The following B4GALNT3 variants were observed in gnomAD, a reference collection of about 807,000 sequenced individuals.
The protein encoded by B4GALNT3 is beta-1,4-N-acetyl-galactosaminyltransferase 3, also known as beta-1,4-N-acetylgalactosaminyltransferase 3.
B4GALNT3 carries 86 observed loss-of-function variants against 120.2 expected under a neutral mutation model. That is an observed-to-expected ratio of 0.72 (90% CI 0.60 to 0.86). The LOEUF is 0.86. B4GALNT3 is among the 40% of genes least tolerant of loss of function. B4GALNT3 has a pLI of 0.00. For missense variants in B4GALNT3, 1,167 were observed against 1,298.9 expected (o/e 0.90, Z 1.56); for synonymous variants, 518 against 510.4 (o/e 1.01, Z -0.20).
At chr12:483,408 C>T (rs1167748187) in intron 1 of B4GALNT3, among the ~76,000 whole-genome samples, 2 of 152,040 alleles carry the variant, frequency 1.3e-5, no homozygotes, top group African/African-American at 4.8e-5. Flanking sequence ...TAGTAACAGC[C>T]CAGCTTGGCT....
chr12:478,509 A>G (rs1477050642), intron 1 of B4GALNT3, among the ~76,000 whole-genome samples: 1 of 152,252 alleles, frequency 6.6e-6, no homozygotes, highest in Non-Finnish European at 1.5e-5. Flanking sequence ...TGAGAAAAAG[A>G]AATGGGCAAA....
At chr12:523,258 G>C (rs772387576) in intron 1 of B4GALNT3, among the ~76,000 whole-genome samples, 27 of 152,148 alleles carry the variant, frequency 1.8e-4, no homozygotes, top group Non-Finnish European at 3.8e-4. Flanking sequence ...AAATATGCCA[G>C]GCCTCTCACT....
rs140500353 is a variant in B4GALNT3, at chr12:470,388, C to T, written c.169+9843C>T. ...CCTGCCTGCCAAGCCCAGGTTCAAA[C>T]GAATGTGTGCAGTGTGTGCTCACGC... On this transcript the variant is annotated intron_variant, in intron 1 of 19. Transcript: ENST00000266383. Among the ~76,000 whole-genome samples, 1,126 of 152,352 alleles carry T rather than the reference C, an allele frequency of 7.4e-3. 18 individuals carry two copies. The highest frequency in any genetic ancestry group is 0.01 in the Middle Eastern group (3 of 294).
chr12:472,820 C>T, intron 1 of B4GALNT3, among the ~76,000 whole-genome samples: 1 of 152,146 alleles, frequency 6.6e-6, no homozygotes, highest in East Asian at 1.9e-4. Flanking sequence ...TGGACTCAAG[C>T]AATATTTTTG....
Position 552,153 on chromosome 12 carries a change from T to C in B4GALNT3, c.1198T>C (p.Tyr400His). The change falls in exon 12 of 20, where the codon TAC becomes CAC. Residue 400 changes from tyrosine (Y) to histidine (H), a missense_variant. Around this residue, in one of 3 missense-constraint regions of B4GALNT3, gnomAD observed 983 missense variants for 1,102.5 expected, o/e 0.89. Transcript: ENST00000266383. ...ATGTTTCTACCAGGAAAACGCCTAC[T>C]ACCAAGACCGGTGAGAGACACTGAG... ...NKCFYQENAY[Y>H]QDRFSFQEYI... is the part of the protein sequence containing the mutation. 1 of 1,607,572 alleles carries C rather than the reference T, an allele frequency of 6.2e-7. No individual in the cohort carries two copies. Among genetic ancestry groups the C allele is most frequent in the Non-Finnish European group, 8.5e-7 (1 of 1,174,110 alleles).
intron 1 of B4GALNT3, among the ~76,000 whole-genome samples, chr12:480,379 G>C (rs575657569): frequency 1.4e-4 from 12 of 88,820 alleles, no homozygotes; most frequent in South Asian, 4.1e-4. Context: ...GAGCAGGTCA[G>C]CTCTGCCCCC....
chr12:545,739 GGA>G, intron 6 of B4GALNT3, among the ~76,000 whole-genome samples: 1 of 139,468 alleles, frequency 7.2e-6, no homozygotes, highest in African/African-American at 2.8e-5. Context: ...GGAGGAGCGA[GGA>G]GTGGGGAGGA....
intron 1 of B4GALNT3, among the ~76,000 whole-genome samples, chr12:466,236 C>T (rs187144745): frequency 4.6e-5 from 7 of 152,214 alleles, no homozygotes; most frequent in Middle Eastern, 3.4e-3. Flanking sequence ...CTGGTAAGTA[C>T]GCTGCAGTAA....
chr12:558,730 G>A, intron 18 of B4GALNT3, 69 bp downstream of exon 18: 5 of 1,533,374 alleles, frequency 3.3e-6, no homozygotes, highest in Non-Finnish European at 3.6e-6. Context: ...CCAGAGCTGG[G>A]AACAGTCATA....
chr12:545,213 CTG>C (rs1382317942), intron 5 of B4GALNT3, 154 bp from the exon 6 acceptor site: 1 of 1,450,556 alleles, frequency 6.9e-7, no homozygotes, highest in African/African-American at 1.4e-5. Flanking sequence ...CATCTTCACA[CTG>C]TCTCCCAGGA....
intron 5 of B4GALNT3, 25 bp from the exon 6 acceptor site, chr12:545,344 T>C: frequency 6.3e-7 from 1 of 1,597,002 alleles, no homozygotes; most frequent in Admixed American, 1.8e-5. Flanking sequence ...CTTGCCCTCA[T>C]CTGGAAACTC....
At chr12:481,515 A>G (rs1946242461) in intron 1 of B4GALNT3, among the ~76,000 whole-genome samples, 1 of 152,222 alleles carries the variant, frequency 6.6e-6, no homozygotes, top group Non-Finnish European at 1.5e-5. Flanking sequence ...ATGGTGGGAA[A>G]GTGGGACTTT....
Position 513,147 on chromosome 12 carries a change from GACCTTCCACCTTCC to G in B4GALNT3, c.170-21998_170-21985del, listed in dbSNP as rs879301868. 3.9e-3 allele frequency among the ~76,000 whole-genome samples: 293 copies of G among 75,118 alleles called. 2 individuals are homozygous for G. Among genetic ancestry groups the G allele is most frequent in the African/African-American group, 0.016 (281 of 17,394 alleles). 49.3% of individuals were successfully genotyped at this position (75,118 alleles called of 152,430 possible). On this transcript the variant is annotated intron_variant, in intron 1 of 19. Transcript: ENST00000266383. ...CTTCCGCCTTCCACCTTCCACCTTC[GACCTTCCACCTTCC>G]ACCTTCCACCTTCCACCTTCTTCCA...
intron 1 of B4GALNT3, among the ~76,000 whole-genome samples, chr12:483,604 A>G (rs559597116): frequency 1.3e-5 from 2 of 152,286 alleles, no homozygotes; most frequent in South Asian, 2.1e-4. Flanking sequence ...AGGCTGAGGT[A>G]GGAGGATCGT....
At position 535,156 on chromosome 12, in the gene B4GALNT3, C is replaced by T. The variant is rs372836349; in HGVS notation, c.170-10C>T. 6 of 1,607,408 alleles carry T rather than the reference C, an allele frequency of 3.7e-6. No homozygotes were observed. The African/African-American group carries it at 8.0e-5, about 21-fold the overall frequency. On this transcript the variant is annotated splice_polypyrimidine_tract_variant and intron_variant, in intron 1 of 19. Transcript: ENST00000266383. ...GCTGACCTGAGGGCTCCTCTCTTCC[C>T]CTTCCACAGGGTACGGCAGCTGGAG...
intron 1 of B4GALNT3, among the ~76,000 whole-genome samples, chr12:474,176 G>A (rs1416862535): frequency 6.6e-6 from 1 of 152,210 alleles, no homozygotes; most frequent in Non-Finnish European, 1.5e-5. Context: ...CAGACTTGGA[G>A]TTTTCTACCA....
At chr12:463,492 G>A (rs374652086) in intron 1 of B4GALNT3, among the ~76,000 whole-genome samples, 1 of 152,188 alleles carries the variant, frequency 6.6e-6, no homozygotes, top group Non-Finnish European at 1.5e-5. Context: ...CTCGAGCCAG[G>A]CATTGTGCCA....
chr12:525,092 T>TTATTTATTTATGTATG (rs1555156531), intron 1 of B4GALNT3, among the ~76,000 whole-genome samples: 1 of 151,000 alleles, frequency 6.6e-6, no homozygotes, highest in Admixed American at 6.6e-5. Flanking sequence ...ACAATTTTAT[T>TTATTTATTTATGTATG]TATTTATTTA....
intron 1 of B4GALNT3, among the ~76,000 whole-genome samples, chr12:534,673 T>C (rs553694876): frequency 1.3e-5 from 2 of 152,316 alleles, no homozygotes; most frequent in South Asian, 2.1e-4. Context: ...AGGCCCACTC[T>C]TTCCTGCCTC....
Sources: allele counts gnomAD v4.1 joint callset (sites outside exome capture counted in the v4.1 genomes callset), GRCh38; gene constraint gnomAD v4.1.1; regional missense constraint gnomAD v4.1.1; transcripts MANE v1.5; gene names NCBI Gene and HGNC (gene_info 2026-07-23, HGNC 2026-07-21).